PGAP6: variants seen among roughly 807,000 people sequenced by gnomAD.
PGAP6 encodes the protein post-GPI attachment to proteins 6.
Under a neutral mutation model 68.4 loss-of-function variants are expected in PGAP6, and 62 were observed. The observed-to-expected ratio is 0.91, with a 90% confidence interval of 0.74 to 1.12. The LOEUF is 1.12. Ranked by LOEUF, PGAP6 falls within the 50% of genes most tolerant of loss-of-function variation. The probability of loss-of-function intolerance (pLI) is 0.00; values close to 1 mark genes in which losing one functional copy is unlikely to be tolerated. For missense variants in PGAP6, 1,188 were observed against 1,068.5 expected (o/e 1.11, Z -1.56); for synonymous variants, 575 against 474.0 (o/e 1.21, Z -2.77).
Position 377,168 on chromosome 16 carries a change from G to A in PGAP6, c.508-4C>T, listed in dbSNP as rs2054392416. Reference sequence around the variant, plus strand: ...AGGCACAGGTGGGAGCCAAGCCCTAGGGAAAGAACAGGTGTGGGCGGGGGC... The same window carrying A: ...AGGCACAGGTGGGAGCCAAGCCCTAAGGAAAGAACAGGTGTGGGCGGGGGC... On this transcript the variant is annotated splice_polypyrimidine_tract_variant and splice_region_variant and intron_variant, in intron 3 of 12. Coordinates refer to ENST00000431232, the MANE Select transcript of PGAP6 (RefSeq NM_021259.3). The A allele has an allele frequency of 6.2e-7, 1 of 1,613,326 alleles. No individual in the cohort carries two copies. The highest frequency in any genetic ancestry group is 8.5e-7 in the Non-Finnish European group (1 of 1,180,012).
At chr16:372,827 C>T in intron 11 of PGAP6, 100 bp from the exon 12 acceptor site, 1 of 823,650 alleles carries the variant, frequency 1.2e-6, no homozygotes, top group Non-Finnish European at 1.9e-6. Flanking sequence ...CTGCCTGCCC[C>T]CTCGGAGCTG....
rs1174362545 is a variant in PGAP6 at position 376,668 on chromosome 16, AC to A, written c.779del (p.Gly260ValfsTer21). ...GCAGCAGGCGGCAGGGCCAGGGGGC[AC>A]CGGTGCAGGTGAGCACCTTCTGGAA... ...SNFQKVLTCTGAPWPCRLLLP... is the reference protein window; with the variant it reads ...SNFQKVLTCTXAPWPCRLLLP... On this transcript the variant is annotated frameshift_variant, in exon 5 of 13. Transcript: ENST00000431232. LOFTEE classifies it high-confidence loss of function. The A allele has an allele frequency of 2.5e-6, 4 of 1,610,374 alleles. No homozygotes were observed. Among genetic ancestry groups the A allele is most frequent in the Non-Finnish European group, 3.4e-6 (4 of 1,179,130 alleles).
upstream of PGAP6, chr16:384,311 G>C (rs575007851): frequency 1.1e-4 from 16 of 152,328 alleles, no homozygotes; most frequent in African/African-American, 3.6e-4. Flanking sequence ...CTGAGGGCTG[G>C]TGAACTTGAA....
Position 374,734 on chromosome 16 carries a change from C to G in PGAP6, c.1576+22G>C, listed in dbSNP as rs202153690. The G allele has an allele frequency of 5.6e-6, 9 of 1,611,382 alleles. No individual in the cohort carries two copies. The Admixed American group carries it at 1.0e-4, about 18-fold the overall frequency. The stretch of plus-strand genomic sequence containing the variant: ...AGCCAACAGCAGCAGCGTCTCGGGG[C>G]GGGCGGGGCCCTGGCACTCACCTGC... On this transcript the variant is annotated intron_variant, in intron 9 of 12. Transcript: ENST00000431232.
chr16:382,141 G>T, upstream of PGAP6: 1 of 382,270 alleles, frequency 2.6e-6, no homozygotes, highest in Non-Finnish European at 4.6e-6. Flanking sequence ...GGGCGCGCGC[G>T]GTCCGGGGGG....
chr16:376,786 T>C lies in PGAP6; in HGVS notation c.662A>G (p.Glu221Gly). ...GCAGTCCCGCAGCTCCAGCAGAAGC[T>C]CCCGCGTGTAATCGGGGACAAAGAC... ...LKVFVPDYTR[E>G]LLLELRDCVS... Residue 221 changes from glutamate (E) to glycine (G), a missense_variant, in exon 5 of 13, where the codon GAG becomes GGG. Physicochemically the swap from Glu to Gly is moderately conservative, Grantham distance 98. Coordinates refer to ENST00000431232, the MANE Select transcript of PGAP6 (RefSeq NM_021259.3). 6.2e-7 allele frequency: 1 copy of C among 1,609,142 alleles called. No individual in the cohort carries two copies. The highest frequency in any genetic ancestry group is 8.5e-7 in the Non-Finnish European group (1 of 1,179,904).
Position 376,614 on chromosome 16 carries a change from C to T in PGAP6, c.834G>A (p.Leu278=). 6.3e-7 allele frequency: 1 copy of T among 1,594,456 alleles called. No homozygotes were observed. Among genetic ancestry groups the T allele is most frequent in the Non-Finnish European group, 8.5e-7 (1 of 1,169,970 alleles). ...CCACCAGGCTCTCAGCTGTCACTTG[C>T]AGCCACCGGTCCCAGGGCGGTGAGG... The part of the protein sequence containing the change: ...LLPSPPWDRW[L]QVTAESLVGP... The change falls in exon 5 of 13, where the codon CTG becomes CTA. Residue 278 remains leucine, a synonymous_variant. Transcript: ENST00000431232.
chr16:381,549 A>T, intron 1 of PGAP6, 152 bp downstream of exon 1: 1 of 481,524 alleles, frequency 2.1e-6, no homozygotes, highest in Non-Finnish European at 3.0e-6. Flanking sequence ...GAAGCGCCCC[A>T]AAGGGCCACT....
upstream of PGAP6, among the ~76,000 whole-genome samples, chr16:385,859 C>T (rs1165265512): frequency 1.3e-5 from 2 of 151,906 alleles, no homozygotes; most frequent in African/African-American, 2.4e-5. Flanking sequence ...TTCCTGACCT[C>T]GTGATCTGCC....
chr16:385,607 G>T (rs8047753), upstream of PGAP6, among the ~76,000 whole-genome samples: 2 of 113,752 alleles, frequency 1.8e-5, no homozygotes, highest in African/African-American at 7.7e-5. Context: ...CACAGCGCCC[G>T]GCCTACTCTG....
At chr16:385,035 A>G (rs960014360), upstream of PGAP6, among the ~76,000 whole-genome samples, 2 of 151,372 alleles carry the variant, frequency 1.3e-5, no homozygotes, top group Admixed American at 6.6e-5. Context: ...GCATGGTGAC[A>G]TGAGCCTGTA....
upstream of PGAP6, among the ~76,000 whole-genome samples, chr16:382,982 G>A (rs1280210644): frequency 6.6e-6 from 1 of 152,142 alleles, no homozygotes; most frequent in African/African-American, 2.4e-5. Context: ...GCGCAGAAAT[G>A]CAAATTAAAA....
intron 6 of PGAP6, 31 bp from the exon 7 acceptor site, chr16:375,466 C>T: frequency 6.2e-7 from 1 of 1,602,110 alleles, no homozygotes. Context: ...GGCTCAGCTC[C>T]AGCAGCCCCT....
At chr16:373,855 G>A in intron 11 of PGAP6, 150 bp downstream of exon 11, 4 of 1,002,372 alleles carry the variant, frequency 4.0e-6, no homozygotes, top group Admixed American at 5.8e-5. Flanking sequence ...GGGATTACAG[G>A]TGTGAGCCAC....
upstream of PGAP6, among the ~76,000 whole-genome samples, chr16:382,824 G>A (rs966933037): frequency 6.6e-6 from 1 of 152,088 alleles, no homozygotes; most frequent in Non-Finnish European, 1.5e-5. Flanking sequence ...GGGAGGTGGG[G>A]GACACAGCTT....
chr16:377,651 G>T lies in PGAP6; in HGVS notation c.299+20C>A. 1.3e-6 allele frequency: 2 copies of T among 1,572,712 alleles called. No individual in the cohort carries two copies. The highest frequency in any genetic ancestry group is 1.7e-6 in the Non-Finnish European group (2 of 1,159,616). On this transcript the variant is annotated intron_variant, in intron 2 of 12. Coordinates refer to ENST00000431232, the MANE Select transcript of PGAP6 (RefSeq NM_021259.3). ...TGGCCAGGCGCGGGAGGGTGGGCAG[G>T]CGGGCGGGCAGCCACCTACACGGTG...
upstream of PGAP6, among the ~76,000 whole-genome samples, chr16:385,598 A>C (rs2054477459): frequency 6.9e-6 from 1 of 144,116 alleles, no homozygotes; most frequent in African/African-American, 2.6e-5. Flanking sequence ...GGCATGAGCC[A>C]CAGCGCCCGG....
At chr16:384,438 A>C (rs2141770845), upstream of PGAP6, 1 of 152,474 alleles carries the variant, frequency 6.6e-6, no homozygotes. Flanking sequence ...CTGGTCAGGG[A>C]AACAAAACAA....
rs753491813 is a variant in PGAP6, at chr16:376,247, C to T, written c.1113G>A (p.Leu371=). 4 of 1,612,742 alleles carry T rather than the reference C, an allele frequency of 2.5e-6. No homozygotes were observed. The highest frequency in any genetic ancestry group is 3.4e-6 in the Non-Finnish European group (4 of 1,180,010). ...AACACACCCTCACCGAGACCCTGTC[C>T]AGGGGCTGGAAGTGCACCGACACCA... is the stretch of plus-strand genomic sequence containing the variant. The part of the protein sequence containing the change: ...MDVVSVHFQP[L]DRVSVRVCSD... The change falls in exon 6 of 13, where the codon CTG becomes CTA. Residue 371 remains leucine, a synonymous_variant. Coordinates refer to ENST00000431232, the MANE Select transcript of PGAP6 (RefSeq NM_021259.3).
Sources: gnomAD v4.1 joint callset for allele counts (sites outside exome capture counted in the v4.1 genomes callset) on GRCh38, gnomAD v4.1.1 for gene constraint, MANE v1.5 for transcripts, NCBI Gene and HGNC (gene_info 2026-07-23, HGNC 2026-07-21) for gene names.